The following SLC67A2 variants were observed in gnomAD, a reference collection of about 807,000 sequenced individuals.
SLC67A2 encodes the protein solute carrier family 67 member 2, also known as solute carrier family 67 member A2.
chr2:102,723,703 C>T, the SLC67A2 span: 7 of 1,613,824 alleles, frequency 4.3e-6, no homozygotes, highest in Non-Finnish European at 5.9e-6. Flanking sequence ...AACTTACCAG[C>T]ATTGAGAATG....
chr2:102,719,630 G>A, the SLC67A2 span, among the ~76,000 whole-genome samples: 3 of 152,162 alleles, frequency 2.0e-5, no homozygotes, highest in East Asian at 5.8e-4. Flanking sequence ...TATTCATGGA[G>A]TGCTTCTTAA....
the SLC67A2 span, chr2:102,726,799 T>C: frequency 1.4e-5 from 21 of 1,498,698 alleles, no homozygotes; most frequent in Non-Finnish European, 5.3e-6. Flanking sequence ...ATTGAGGTTC[T>C]GGGGGAAGCT....
the SLC67A2 span, chr2:102,723,718 C>G: frequency 6.2e-7 from 1 of 1,614,068 alleles, no homozygotes; most frequent in East Asian, 2.2e-5. Context: ...AGAATGAAGA[C>G]CAAAAAGCAG....
At chr2:102,733,794 TGGG>T in the SLC67A2 span, among the ~76,000 whole-genome samples, 8 of 151,010 alleles carry the variant, frequency 5.3e-5, no homozygotes, top group Admixed American at 5.3e-4. Flanking sequence ...TTTAATAAAA[TGGG>T]TATCCTAAAT....
chr2:102,734,019 C>G, the SLC67A2 span, among the ~76,000 whole-genome samples: 5 of 152,284 alleles, frequency 3.3e-5, no homozygotes, highest in East Asian at 9.6e-4. Context: ...CTATAAAAGG[C>G]AACTCCTTTC....
the SLC67A2 span, chr2:102,736,805 C>A: frequency 6.2e-7 from 1 of 1,602,338 alleles, no homozygotes; most frequent in East Asian, 2.3e-5. Context: ...GACCCCCAAG[C>A]TCCATACCCG....
At chr2:102,734,120 G>C in the SLC67A2 span, among the ~76,000 whole-genome samples, 276 of 152,174 alleles carry the variant, frequency 1.8e-3, 1 homozygote, top group Non-Finnish European at 3.1e-3. Flanking sequence ...TGTCAGAAGG[G>C]GCCACTTAAA....
the SLC67A2 span, chr2:102,731,010 G>T: frequency 1.2e-6 from 2 of 1,612,168 alleles, no homozygotes; most frequent in Admixed American, 3.3e-5. Flanking sequence ...GATGAGACAT[G>T]TGATCATAAC....
At chr2:102,733,823 A>C in the SLC67A2 span, among the ~76,000 whole-genome samples, 2 of 152,172 alleles carry the variant, frequency 1.3e-5, no homozygotes, top group Non-Finnish European at 2.9e-5. Flanking sequence ...ATGGAGAGAA[A>C]TATTTAGGTC....
chr2:102,732,770 C>T, the SLC67A2 span, among the ~76,000 whole-genome samples: 9 of 152,198 alleles, frequency 5.9e-5, no homozygotes, highest in African/African-American at 1.9e-4. Context: ...CTGGAGTTGG[C>T]GAAAGTGGCT....
chr2:102,721,441 C>A, the SLC67A2 span, among the ~76,000 whole-genome samples: 1 of 152,102 alleles, frequency 6.6e-6, no homozygotes, highest in African/African-American at 2.4e-5. Flanking sequence ...GACATCCTAA[C>A]CCAATAAGGA....
chr2:102,733,272 A>C, the SLC67A2 span, among the ~76,000 whole-genome samples: 1 of 152,174 alleles, frequency 6.6e-6, no homozygotes, highest in Non-Finnish European at 1.5e-5. Flanking sequence ...AAAACATTGC[A>C]CACACACAGT....
chr2:102,732,391 T>A, the SLC67A2 span: 1 of 1,612,076 alleles, frequency 6.2e-7, no homozygotes, highest in African/African-American at 1.3e-5. Flanking sequence ...GGCACAACCA[T>A]GCTGACACCA....
chr2:102,718,981 T>C, the SLC67A2 span: 50 of 1,614,060 alleles, frequency 3.1e-5, no homozygotes, highest in Middle Eastern at 1.6e-4. Context: ...GCACCAGAAA[T>C]ATGTCCCACA....
chr2:102,723,736 C>A, the SLC67A2 span: 7 of 1,614,034 alleles, frequency 4.3e-6, no homozygotes, highest in South Asian at 3.3e-5. Context: ...CAGATGAAGG[C>A]TGTGAGATAA....
chr2:102,723,734 G>A, the SLC67A2 span: 2 of 1,614,156 alleles, frequency 1.2e-6, no homozygotes, highest in South Asian at 1.1e-5. Context: ...AGCAGATGAA[G>A]GCTGTGAGAT....
chr2:102,730,864 C>CTT, the SLC67A2 span, among the ~76,000 whole-genome samples: 6 of 152,338 alleles, frequency 3.9e-5, no homozygotes, highest in East Asian at 1.2e-3. Flanking sequence ...TTGATAATAA[C>CTT]TTTTGTTTAC....
the SLC67A2 span, among the ~76,000 whole-genome samples, chr2:102,728,672 G>C: frequency 2.6e-5 from 4 of 152,002 alleles, no homozygotes; most frequent in African/African-American, 9.7e-5. Flanking sequence ...CAGGGCAGTG[G>C]TATAATCTGG....
At chr2:102,718,526 C>G in the SLC67A2 span, 88 of 1,613,246 alleles carry the variant, frequency 5.5e-5, no homozygotes, top group East Asian at 1.8e-3. Flanking sequence ...GCTGGGGGGG[C>G]CGCAAGGGCT....
Sources: allele counts gnomAD v4.1 joint callset (sites outside exome capture counted in the v4.1 genomes callset), GRCh38; gene constraint gnomAD v4.1.1; transcripts MANE v1.5; gene names NCBI Gene and HGNC (gene_info 2026-07-23, HGNC 2026-07-21).